Variants in PRKN observed in about 807,000 individuals in gnomAD.
The protein encoded by PRKN is parkin RBR E3 ubiquitin protein ligase.
A neutral mutation model predicts 59.5 loss-of-function variants in PRKN; 56 were observed. The observed-to-expected ratio is 0.94, with a 90% CI of 0.76 to 1.18. The LOEUF is 1.18. PRKN is among the 50% of genes most tolerant of loss of function. PRKN has a pLI of 0.00. For synonymous variants in PRKN, 250 were observed against 222.1 expected, an observed-to-expected ratio of 1.13 and a Z score of -1.12; for missense variants, 657 against 596.4, an observed-to-expected ratio of 1.10 and a Z score of -1.06.
In PRKN at chr6:162,567,441, A is replaced by G. The variant is rs539301499; in HGVS notation, c.8-123968T>C. On this transcript the variant is annotated intron_variant, in intron 1 of 11. Coordinates refer to ENST00000366898, the MANE Select transcript of PRKN (RefSeq NM_004562.3). ...TAGAGTTGCAGGACACAAAATCTAC[A>G]TACAAAAATCAGTAGCATTTCTAAA... Among the ~76,000 whole-genome samples the G allele has an allele frequency of 5.3e-5, 8 of 152,360 alleles. No individual in the cohort carries two copies. In the South Asian group the frequency reaches 1.4e-3, roughly 28 times the overall value.
intron 1 of PRKN, among the ~76,000 whole-genome samples, chr6:162,448,355 T>C (rs1790422100): frequency 6.6e-6 from 1 of 152,156 alleles, no homozygotes; most frequent in Non-Finnish European, 1.5e-5. Context: ...CATTTTTCTA[T>C]ATAGAAATTT....
chr6:162,108,293 G>A (rs1175691417), intron 4 of PRKN, among the ~76,000 whole-genome samples: 2 of 152,118 alleles, frequency 1.3e-5, no homozygotes, highest in East Asian at 1.9e-4. Flanking sequence ...ATTCCTCTGG[G>A]AGCTTCCCCA....
intron 2 of PRKN, among the ~76,000 whole-genome samples, chr6:162,414,262 A>T (rs1788496991): frequency 6.6e-6 from 1 of 152,076 alleles, no homozygotes; most frequent in Non-Finnish European, 1.5e-5. Context: ...CCATAATACA[A>T]ACAAAACTTT....
rs1262863781 is a variant in PRKN, at chr6:162,304,623, C to T, written c.172-41858G>A. Among the ~76,000 whole-genome samples the T allele has an allele frequency of 2.0e-5, 3 of 150,652 alleles. 1 individual carries two copies. The highest frequency in any genetic ancestry group is 4.4e-5 in the Non-Finnish European group (3 of 67,602). ...TACTTCCCCCACACTTATATATGAT[C>T]CTCTTTTAACGACTTGGGGAACTTT... On this transcript the variant is annotated intron_variant, in intron 2 of 11. Coordinates refer to ENST00000366898, the MANE Select transcript of PRKN (RefSeq NM_004562.3).
chr6:162,308,026 C>T (rs987264453), intron 2 of PRKN, among the ~76,000 whole-genome samples: 1 of 152,178 alleles, frequency 6.6e-6, no homozygotes, highest in Non-Finnish European at 1.5e-5. Context: ...CCTGGCCATG[C>T]CTGGCCTATG....
intron 6 of PRKN, among the ~76,000 whole-genome samples, chr6:161,856,899 G>A (rs1469518786): frequency 6.6e-6 from 1 of 152,096 alleles, no homozygotes; most frequent in Non-Finnish European, 1.5e-5. Context: ...ACTGTCTTCA[G>A]GGTCATGGCT....
chr6:161,902,710 GCCA>G (rs1454893091), intron 6 of PRKN, among the ~76,000 whole-genome samples: 2 of 151,810 alleles, frequency 1.3e-5, no homozygotes, highest in Non-Finnish European at 2.9e-5. Flanking sequence ...ACAGGAGCCT[GCCA>G]CCACGCCTAA....
At chr6:162,421,145 G>A (rs919345343) in intron 2 of PRKN, among the ~76,000 whole-genome samples, 1 of 152,156 alleles carries the variant, frequency 6.6e-6, no homozygotes, top group Non-Finnish European at 1.5e-5. Flanking sequence ...ATTAATAATT[G>A]AGAGGAAACA....
At chr6:161,855,179 C>A (rs1047663531) in intron 6 of PRKN, among the ~76,000 whole-genome samples, 3 of 151,874 alleles carry the variant, frequency 2.0e-5, no homozygotes, top group African/African-American at 7.3e-5. Context: ...TGTAAAAATG[C>A]AGCTGCTTGC....
chr6:162,635,167 C>T (rs528379605), intron 1 of PRKN, among the ~76,000 whole-genome samples: 2 of 152,256 alleles, frequency 1.3e-5, no homozygotes, highest in South Asian at 2.1e-4. Context: ...CAACAGCTCA[C>T]GGGGTAACAG....
rs111383127 is a variant in PRKN at position 162,525,219 on chromosome 6, C to T, written c.8-81746G>A. 8.3e-3 allele frequency among the ~76,000 whole-genome samples: 1,266 copies of T among 152,164 alleles called. 10 individuals carry two copies. The highest frequency in any genetic ancestry group is 0.027 in the Middle Eastern group (8 of 294). On this transcript the variant is annotated intron_variant, in intron 1 of 11. Transcript: ENST00000366898. ...CTCCCTCCACCAAGACCACTCTGACCCTCTGTGTGTGTGTATTTGTTCTCT... is the reference window on the plus strand; with the variant it reads ...CTCCCTCCACCAAGACCACTCTGACTCTCTGTGTGTGTGTATTTGTTCTCT...
At chr6:162,049,485 A>G (rs1257097323) in intron 5 of PRKN, among the ~76,000 whole-genome samples, 1 of 152,184 alleles carries the variant, frequency 6.6e-6, no homozygotes, top group Non-Finnish European at 1.5e-5. Flanking sequence ...TCAAACCTTC[A>G]GTCCCTTCAC....
chr6:161,938,416 T>A (rs1779432608), intron 6 of PRKN, among the ~76,000 whole-genome samples: 1 of 152,186 alleles, frequency 6.6e-6, no homozygotes, highest in Non-Finnish European at 1.5e-5. Context: ...AATTTGAAAT[T>A]CCTTATAAAA....
rs529713395 is a variant in PRKN, at chr6:162,298,784, C to T, written c.172-36019G>A. ...TTCTTGACCCTGTGCCCATCCTGAG[C>T]TGTATAAGATTCTCAGAGCACAGGA... On this transcript the variant is annotated intron_variant, in intron 2 of 11. Coordinates refer to ENST00000366898, the MANE Select transcript of PRKN (RefSeq NM_004562.3). Among the ~76,000 whole-genome samples, 56 of 152,190 alleles carry T rather than the reference C, an allele frequency of 3.7e-4. No individual in the cohort carries two copies. In the South Asian group the frequency reaches 0.011, roughly 29 times the overall value.
At chr6:161,884,371 T>C (rs1268699563) in intron 6 of PRKN, among the ~76,000 whole-genome samples, 1 of 152,218 alleles carries the variant, frequency 6.6e-6, no homozygotes, top group Non-Finnish European at 1.5e-5. Context: ...AGCAGACCAC[T>C]GCTATGAGCT....
chr6:161,919,161 C>A (rs761334690), intron 6 of PRKN, among the ~76,000 whole-genome samples: 5 of 152,142 alleles, frequency 3.3e-5, no homozygotes, highest in Admixed American at 1.3e-4. Context: ...GTATCGTATC[C>A]TTGCAATGGA....
chr6:161,955,466 C>A (rs571223684), intron 6 of PRKN, among the ~76,000 whole-genome samples: 2 of 152,182 alleles, frequency 1.3e-5, no homozygotes, highest in Non-Finnish European at 2.9e-5. Context: ...TAATTATATT[C>A]ATAAAAATTA....
chr6:162,305,353 G>T (rs1436780677), intron 2 of PRKN, among the ~76,000 whole-genome samples: 1 of 151,944 alleles, frequency 6.6e-6, no homozygotes, highest in African/African-American at 2.4e-5. Context: ...AACATGACAT[G>T]TTTATAATGT....
chr6:162,357,544 T>C lies in PRKN; in HGVS notation c.171+85766A>G, dbSNP rs560123591. On this transcript the variant is annotated intron_variant, in intron 2 of 11. Coordinates refer to ENST00000366898, the MANE Select transcript of PRKN (RefSeq NM_004562.3). ...AACTCTCATTCCTTCCTGGTGGGAA[T>C]GCAAAACGTTATGACCAGTTTGGAA... Among the ~76,000 whole-genome samples, 413 of 152,320 alleles carry C rather than the reference T, an allele frequency of 2.7e-3. 1 individual carries two copies. Among genetic ancestry groups the C allele is most frequent in the African/African-American group, 9.5e-3 (394 of 41,584 alleles).
Sources: gnomAD v4.1 joint callset for allele counts (sites outside exome capture counted in the v4.1 genomes callset) on GRCh38, gnomAD v4.1.1 for gene constraint, MANE v1.5 for transcripts, NCBI Gene and HGNC (gene_info 2026-07-23, HGNC 2026-07-21) for gene names.